MAOB: variants seen among roughly 807,000 people sequenced by gnomAD.
MAOB encodes the protein monoamine oxidase B.
MAOB carries 15 observed loss-of-function variants against 41.9 expected under a neutral mutation model. The ratio of observed to expected loss-of-function variants is 0.36; its 90% confidence interval spans 0.24 to 0.55. The LOEUF (loss-of-function observed/expected upper bound fraction) is 0.55, where lower values mean the gene tolerates loss of function less well. Among genes scored for constraint, MAOB ranks in the 20% least tolerant of loss-of-function variants. The pLI is 0.86. For missense variants in MAOB, 345 were observed against 398.7 expected (o/e 0.87, Z 1.15); for synonymous variants, 167 against 144.2 (o/e 1.16, Z -1.13).
At chrX:43,793,632 T>TC in intron 7 of MAOB, 54 bp from the exon 8 acceptor site, 1 of 943,469 alleles carries the variant, frequency 1.1e-6, no homozygotes, top group South Asian at 2.2e-5. Context: ...TTTGTTTTTT[T>TC]CCCAATGATT....
At position 43,808,713 on chromosome X, in the gene MAOB, C is replaced by A. The variant is rs190038673; in HGVS notation, c.280-5309G>T. 1.8e-3 allele frequency among the ~76,000 whole-genome samples: 199 copies of A among 109,270 alleles called. 1 individual carries two copies. Among genetic ancestry groups the A allele is most frequent in the Middle Eastern group, 0.014 (3 of 216 alleles). The allele number at this position is 109,270 out of a possible 115,157, so 94.9% of individuals were successfully genotyped here. ...ATCTACACATAGACACACACACACA[C>A]ACACACACACACACAGAGTCTTGCT... is the stretch of plus-strand genomic sequence containing the variant. On this transcript the variant is annotated intron_variant, in intron 3 of 14. Transcript: ENST00000378069.
chrX:43,875,177 A>G (rs186213417), intron 1 of MAOB, among the ~76,000 whole-genome samples: 3 of 111,585 alleles, frequency 2.7e-5, no homozygotes, highest in African/African-American at 9.8e-5. Context: ...ACCCAGCACC[A>G]TTTGATCAGG....
chrX:43,830,723 C>T (rs1290110730), intron 3 of MAOB, among the ~76,000 whole-genome samples: 2 of 111,737 alleles, frequency 1.8e-5, no homozygotes, highest in Non-Finnish European at 3.8e-5. Flanking sequence ...TTCTTACTTG[C>T]TACTAAGAAT....
chrX:43,824,060 C>T (rs1192016894), intron 3 of MAOB, among the ~76,000 whole-genome samples: 1 of 112,260 alleles, frequency 8.9e-6, no homozygotes, highest in Non-Finnish European at 1.9e-5. Flanking sequence ...TTTCGAAGTG[C>T]TCCTCTTCAA....
chrX:43,824,741 G>A (rs2034924305), intron 3 of MAOB, among the ~76,000 whole-genome samples: 1 of 112,734 alleles, frequency 8.9e-6, no homozygotes, highest in Non-Finnish European at 1.9e-5. Flanking sequence ...AGAAAGCAGA[G>A]TAACAGCTGG....
At chrX:43,796,402 C>T (rs1308966522) in intron 6 of MAOB, among the ~76,000 whole-genome samples, 1 of 111,321 alleles carries the variant, frequency 9.0e-6, no homozygotes, top group East Asian at 2.8e-4. Flanking sequence ...CTTCTGTAGC[C>T]ACCGAACTCA....
intron 1 of MAOB, among the ~76,000 whole-genome samples, chrX:43,857,615 G>A (rs1005621000): frequency 9.0e-6 from 1 of 111,398 alleles, no homozygotes; most frequent in Non-Finnish European, 1.9e-5. Context: ...GAAAGACCCT[G>A]CCAATATGGC....
intron 1 of MAOB, among the ~76,000 whole-genome samples, chrX:43,862,278 A>T (rs2035337765): frequency 9.0e-6 from 1 of 111,483 alleles, no homozygotes; most frequent in Admixed American, 9.5e-5. Context: ...TTTACCCTGT[A>T]TTGTATTTTT....
At chrX:43,832,953 T>C (rs1042180849) in intron 3 of MAOB, among the ~76,000 whole-genome samples, 1 of 111,513 alleles carries the variant, frequency 9.0e-6, no homozygotes, top group African/African-American at 3.3e-5. Flanking sequence ...AAGGAGGATC[T>C]TGAACTCGAT....
At chrX:43,808,687 TATCTAC>T (rs1174574765) in intron 3 of MAOB, among the ~76,000 whole-genome samples, 8 of 90,167 alleles carry the variant, frequency 8.9e-5, no homozygotes, top group Admixed American at 3.5e-4. Context: ...TCTATATCTA[TATCTAC>T]ACATAGACAC....
At chrX:43,799,151 A>G (rs1423442501) in intron 5 of MAOB, among the ~76,000 whole-genome samples, 3 of 111,630 alleles carry the variant, frequency 2.7e-5, no homozygotes, top group Non-Finnish European at 5.7e-5. Flanking sequence ...CAGCCCGTCT[A>G]TGACAGTCCC....
intron 4 of MAOB, among the ~76,000 whole-genome samples, chrX:43,802,564 C>A (rs1168094939): frequency 2.7e-5 from 3 of 111,994 alleles, no homozygotes; most frequent in Non-Finnish European, 5.6e-5. Flanking sequence ...GATATGGATT[C>A]CTAAGTTACT....
chrX:43,779,335 G>A (rs781547386), intron 10 of MAOB, among the ~76,000 whole-genome samples: 11 of 111,766 alleles, frequency 9.8e-5, no homozygotes, highest in Admixed American at 4.7e-4. Context: ...GGATGCTTAC[G>A]TTATTTTCTT....
intron 3 of MAOB, among the ~76,000 whole-genome samples, chrX:43,808,650 A>ATATCTATATC (rs2034699711): frequency 2.1e-5 from 2 of 96,583 alleles, no homozygotes; most frequent in Admixed American, 1.1e-4. Flanking sequence ...ATCTATATCT[A>ATATCTATATC]TATCTATATC....
At chrX:43,882,198 G>GGCA in intron 1 of MAOB, 56 bp downstream of exon 1, 3 of 1,195,976 alleles carry the variant, frequency 2.5e-6, no homozygotes, top group Non-Finnish European at 3.4e-6. Context: ...GTCTCCCCCA[G>GGCA]GCAGCCACCT....
intron 1 of MAOB, among the ~76,000 whole-genome samples, chrX:43,867,357 G>A (rs1011945983): frequency 8.0e-5 from 9 of 112,032 alleles, no homozygotes; most frequent in African/African-American, 2.9e-4. Flanking sequence ...GAGAAGTGAC[G>A]TTTTAGAATG....
chrX:43,773,703 A>C (rs1370342328), intron 12 of MAOB, among the ~76,000 whole-genome samples: 3 of 111,510 alleles, frequency 2.7e-5, no homozygotes, highest in Non-Finnish European at 3.8e-5. Flanking sequence ...TAATGAATGG[A>C]TCTCACAAGA....
At chrX:43,851,572 A>T (rs1317704144) in intron 1 of MAOB, among the ~76,000 whole-genome samples, 1 of 111,813 alleles carries the variant, frequency 8.9e-6, no homozygotes, top group African/African-American at 3.3e-5. Context: ...TTACCAACAC[A>T]ATTTTTAGAA....
At chrX:43,770,465 A>T (rs913226081) in intron 12 of MAOB, among the ~76,000 whole-genome samples, 1 of 111,903 alleles carries the variant, frequency 8.9e-6, no homozygotes, top group African/African-American at 3.3e-5. Flanking sequence ...ACCAGCAACA[A>T]AGACAAAGTA....
Sources: allele counts gnomAD v4.1 joint callset (sites outside exome capture counted in the v4.1 genomes callset), GRCh38; gene constraint gnomAD v4.1.1; transcripts MANE v1.5; gene names NCBI Gene and HGNC (gene_info 2026-07-23, HGNC 2026-07-21).